Variants in ZNF571 observed in about 807,000 individuals in gnomAD.
ZNF571 encodes the protein zinc finger protein 571.
A neutral mutation model predicts 7.7 loss-of-function variants in ZNF571; 4 were observed. That is an observed-to-expected ratio of 0.52 (90% CI 0.25 to 1.18). The LOEUF (loss-of-function observed/expected upper bound fraction) is 1.18. ZNF571 is among the 50% of genes most tolerant of loss of function. The probability of loss-of-function intolerance (pLI) is 0.14; values close to 1 mark genes in which losing one functional copy is unlikely to be tolerated. For synonymous variants in ZNF571, 251 were observed against 232.4 expected (o/e 1.08, Z -0.73); for missense variants, 704 against 726.9 (o/e 0.97, Z 0.36).
chr19:37,583,757 A>C, intron 3 of ZNF571: 1 of 459,518 alleles, frequency 2.2e-6, no homozygotes, highest in Non-Finnish European at 3.9e-6. Flanking sequence ...AATCTAGTCC[A>C]TTGGCATCAA....
chr19:37,565,862 T>G lies in ZNF571; in HGVS notation c.566A>C (p.Gln189Pro), dbSNP rs369602439. 5 of 1,613,948 alleles carry G rather than the reference T, an allele frequency of 3.1e-6. No homozygotes were observed. Among genetic ancestry groups the G allele is most frequent in the Non-Finnish European group, 3.4e-6 (4 of 1,179,876 alleles). Residue 189 changes from glutamine (Q) to proline (P), a missense_variant, in exon 4 of 4, where the codon CAG (glutamine) becomes CCG (proline). Physicochemically the swap from Gln to Pro is moderately conservative, Grantham distance 76. Transcript: ENST00000451802. ...ACACTCATAAGGTTTCTCACCAGTCTGAATTCTCTGATGTTGAATATAGCT... is the reference window on the plus strand; with the variant it reads ...ACACTCATAAGGTTTCTCACCAGTCGGAATTCTCTGATGTTGAATATAGCT... ...KPSYIQHQRI[Q>P]TGEKPYECME... is the part of the protein sequence containing the mutation.
At chr19:37,571,240 G>A (rs2043039853) in intron 3 of ZNF571, among the ~76,000 whole-genome samples, 1 of 152,128 alleles carries the variant, frequency 6.6e-6, no homozygotes, top group African/African-American at 2.4e-5. Context: ...GCTCATGCCT[G>A]TAATCCCAGC....
intron 3 of ZNF571, among the ~76,000 whole-genome samples, chr19:37,581,551 G>A (rs534241104): frequency 2.7e-5 from 4 of 149,046 alleles, no homozygotes; most frequent in East Asian, 2.0e-4. Flanking sequence ...CTGCAACCTC[G>A]ACCTCGGGGC....
chr19:37,578,802 C>G (rs190353253), intron 3 of ZNF571, among the ~76,000 whole-genome samples: 1 of 152,206 alleles, frequency 6.6e-6, no homozygotes, highest in Non-Finnish European at 1.5e-5. Flanking sequence ...GCGCAGCAAC[C>G]GCACCTCTGC....
intron 3 of ZNF571, among the ~76,000 whole-genome samples, chr19:37,568,440 A>G (rs1220003149): frequency 2.6e-5 from 4 of 152,166 alleles, no homozygotes; most frequent in Non-Finnish European, 4.4e-5. Context: ...TATGGTTTAT[A>G]AAACACTGAA....
chr19:37,573,266 G>A (rs1381682274), intron 3 of ZNF571, among the ~76,000 whole-genome samples: 1 of 151,928 alleles, frequency 6.6e-6, no homozygotes, highest in African/African-American at 2.4e-5. Flanking sequence ...TAAAAGTATT[G>A]GAGATACTGG....
At chr19:37,588,395 A>G (rs973224104) in intron 1 of ZNF571, among the ~76,000 whole-genome samples, 1 of 152,224 alleles carries the variant, frequency 6.6e-6, no homozygotes, top group African/African-American at 2.4e-5. Context: ...GAACAAAATC[A>G]TATCCTCTGC....
At position 37,565,739 on chromosome 19, in the gene ZNF571, T is replaced by C. The variant is rs368469930; in HGVS notation, c.689A>G (p.Lys230Arg). Residue 230 changes from lysine to arginine, a missense_variant, in exon 4 of 4, where the codon AAA becomes AGA. Coordinates refer to ENST00000451802, the MANE Select transcript of ZNF571 (RefSeq NM_016536.5). ...GAGCTGTGAACCACGAATAAAAGCTTTCCCACATGCGTTACACTGATAAGG... is the reference window on the plus strand; with the variant it reads ...GAGCTGTGAACCACGAATAAAAGCTCTCCCACATGCGTTACACTGATAAGG... ...EKPYQCNACGKAFIRGSQLTE... is the reference protein window; with the variant it reads ...EKPYQCNACGRAFIRGSQLTE... The C allele has an allele frequency of 6.2e-7, 1 of 1,613,836 alleles. No individual in the cohort carries two copies. The highest frequency in any genetic ancestry group is 1.3e-5 in the African/African-American group (1 of 74,912).
rs1045190214 is a variant in ZNF571, at chr19:37,569,557, A to G, written c.137-3266T>C. Among the ~76,000 whole-genome samples the G allele has an allele frequency of 1.3e-5, 2 of 152,150 alleles. No homozygotes were observed. Among genetic ancestry groups the G allele is most frequent in the African/African-American group, 4.8e-5 (2 of 41,432 alleles). On this transcript the variant is annotated intron_variant, in intron 3 of 3. Coordinates refer to ENST00000451802, the MANE Select transcript of ZNF571 (RefSeq NM_016536.5). This position sits in a 1 kb window ranked among gnomAD's most constrained non-coding sequence, Gnocchi z 4.4. ...TTTGCTATATGTATTATATATTCAT[A>G]TTTTGTTATTTTATCTCCTGTTTTA...
rs1391444652 is a variant in ZNF571, at chr19:37,565,652, G to A, written c.776C>T (p.Ala259Val). The change falls in exon 4 of 4, where the codon GCC becomes GTC. Residue 259 changes from alanine (A) to valine (V), a missense_variant. Ala to Val is a moderately conservative substitution (Grantham distance 64). Coordinates refer to ENST00000451802, the MANE Select transcript of ZNF571 (RefSeq NM_016536.5). ...AGTATATTGTGAACAATAACTAAAG[G>A]CTTTTCCACATTTCTTACATTCATA... ...KPYECKKCGK[A>V]FSYCSQYTLH... The A allele has an allele frequency of 6.8e-6, 11 of 1,613,104 alleles. No homozygotes were observed. The highest frequency in any genetic ancestry group is 8.5e-6 in the Non-Finnish European group (10 of 1,179,696).
chr19:37,589,772 A>G (rs560456767), intron 1 of ZNF571, among the ~76,000 whole-genome samples: 11 of 147,586 alleles, frequency 7.5e-5, no homozygotes, highest in African/African-American at 2.7e-4. Context: ...AGGCTGAGGC[A>G]AAGAATTGCT....
intron 1 of ZNF571, among the ~76,000 whole-genome samples, chr19:37,589,373 G>T (rs540485832): frequency 6.6e-5 from 10 of 151,442 alleles, no homozygotes; most frequent in Middle Eastern, 3.4e-3. Context: ...GAAAATATGC[G>T]CAACTTAAAT....
intron 1 of ZNF571, among the ~76,000 whole-genome samples, chr19:37,590,330 C>T (rs944116229): frequency 4.6e-5 from 7 of 151,770 alleles, no homozygotes; most frequent in East Asian, 3.9e-4. Flanking sequence ...GGCAGGAGAA[C>T]GGCGTGAACC....
chr19:37,584,079 C>A lies in ZNF571; in HGVS notation c.28G>T (p.Asp10Tyr). ...TCCTGAGAGAAGTCAATGGCCACAT[C>A]CCTGAAAGTCACCAACAACTGAAAC... MPHLLVTFR[D>Y]VAIDFSQEEW... The change falls in exon 3 of 4, where the codon GAT becomes TAT. Residue 10 changes from aspartate to tyrosine, a missense_variant. Asp to Tyr is a radical substitution (Grantham distance 160, BLOSUM62 -3). Coordinates refer to ENST00000451802, the MANE Select transcript of ZNF571 (RefSeq NM_016536.5). 6.2e-7 allele frequency: 1 copy of A among 1,614,142 alleles called. No homozygotes were observed. The highest frequency in any genetic ancestry group is 8.5e-7 in the Non-Finnish European group (1 of 1,180,020).
chr19:37,566,476 G>GA (rs2042865142), intron 3 of ZNF571, 185 bp from the exon 4 acceptor site: 2 of 637,668 alleles, frequency 3.1e-6, no homozygotes, highest in Non-Finnish European at 4.9e-6. Context: ...AGAGCTTATA[G>GA]GAAAGAAGGT....
rs1390348879 is a variant in ZNF571 at position 37,569,193 on chromosome 19, TC to T, written c.137-2903del. Reference sequence around the variant, plus strand: ...GTCTCAAATTCCTGGCCTCAAGTGATCCACCTGCCCCGGACTCCCACAGCAC... The same window carrying T: ...GTCTCAAATTCCTGGCCTCAAGTGATCACCTGCCCCGGACTCCCACAGCAC... On this transcript the variant is annotated intron_variant, in intron 3 of 3. Coordinates refer to ENST00000451802, the MANE Select transcript of ZNF571 (RefSeq NM_016536.5). The surrounding 1 kb of genome is among the most constrained non-coding windows in gnomAD (Gnocchi z 4.4). Among the ~76,000 whole-genome samples, 1 of 152,016 alleles carries T rather than the reference TC, an allele frequency of 6.6e-6. No homozygotes were observed. The highest frequency in any genetic ancestry group is 1.5e-5 in the Non-Finnish European group (1 of 68,010).
At chr19:37,575,154 G>C (rs1472626988) in intron 3 of ZNF571, among the ~76,000 whole-genome samples, 1 of 152,162 alleles carries the variant, frequency 6.6e-6, no homozygotes. Flanking sequence ...TCTGCTACTT[G>C]AGAAAAATTA....
At chr19:37,575,102 CAG>C (rs1312020415) in intron 3 of ZNF571, among the ~76,000 whole-genome samples, 1 of 152,180 alleles carries the variant, frequency 6.6e-6, no homozygotes, top group Non-Finnish European at 1.5e-5. Context: ...CCTCAAGTCT[CAG>C]AGTTCTGAAG....
chr19:37,584,174 A>T (rs2043577844), intron 2 of ZNF571, 77 bp from the exon 3 acceptor site: 2 of 1,599,544 alleles, frequency 1.3e-6, no homozygotes, highest in South Asian at 1.1e-5. Context: ...TGGAGGAGGT[A>T]ATTGAAGGAA....
Sources: allele counts gnomAD v4.1 joint callset (sites outside exome capture counted in the v4.1 genomes callset), GRCh38; gene constraint gnomAD v4.1.1; non-coding constraint Gnocchi (gnomAD v3.1); transcripts MANE v1.5; gene names NCBI Gene and HGNC (gene_info 2026-07-23, HGNC 2026-07-21).